Variants in GTF3C3 observed in about 807,000 individuals in gnomAD.
GTF3C3 encodes the protein general transcription factor 3C polypeptide 3.
In GTF3C3, 75 loss-of-function variants were observed where a neutral mutation model predicts 105.2. The observed-to-expected ratio is 0.71, with a 90% CI of 0.59 to 0.86. GTF3C3 has a LOEUF of 0.86. Among genes scored for constraint, GTF3C3 ranks in the 40% least tolerant of loss-of-function variants. GTF3C3 has a pLI of 0.00. For missense variants in GTF3C3, 856 were observed against 1,076.5 expected (o/e 0.80, Z 2.87); for synonymous variants, 335 against 370.4 (o/e 0.90, Z 1.10).
chr2:196,771,308 G>A (rs1456531056), intron 15 of GTF3C3, among the ~76,000 whole-genome samples: 1 of 152,052 alleles, frequency 6.6e-6, no homozygotes, highest in African/African-American at 2.4e-5. Context: ...TGAATGTTTT[G>A]CATTATGGCA....
intron 6 of GTF3C3, among the ~76,000 whole-genome samples, chr2:196,787,534 A>G (rs932318680): frequency 2.0e-5 from 3 of 152,102 alleles, no homozygotes; most frequent in African/African-American, 7.2e-5. Context: ...TCTTCCCTGA[A>G]TATCTGTTCT....
At chr2:196,781,688 T>C (rs780972521) in intron 8 of GTF3C3, among the ~76,000 whole-genome samples, 4 of 151,896 alleles carry the variant, frequency 2.6e-5, no homozygotes, top group Non-Finnish European at 4.4e-5. Flanking sequence ...ATAGGAGGAT[T>C]CGGACAAGTT....
chr2:196,788,813 C>T (rs1340253223), intron 6 of GTF3C3, among the ~76,000 whole-genome samples: 1 of 152,068 alleles, frequency 6.6e-6, no homozygotes, highest in Non-Finnish European at 1.5e-5. Context: ...ATGTGTAATC[C>T]TAGCATTTTG....
chr2:196,784,703 G>A (rs1699423260), intron 8 of GTF3C3, 154 bp downstream of exon 8: 1 of 685,018 alleles, frequency 1.5e-6, no homozygotes, highest in Non-Finnish European at 1.8e-6. Flanking sequence ...CACAAGATAT[G>A]AAATCTCTGA....
At chr2:196,773,933 C>A (rs1699219808) in intron 13 of GTF3C3, among the ~76,000 whole-genome samples, 1 of 152,212 alleles carries the variant, frequency 6.6e-6, no homozygotes, top group Non-Finnish European at 1.5e-5. Context: ...GCGGCCCAGT[C>A]CCTAGCAGGC....
chr2:196,784,321 G>C (rs1434837966), intron 8 of GTF3C3, among the ~76,000 whole-genome samples: 1 of 152,124 alleles, frequency 6.6e-6, no homozygotes, highest in Non-Finnish European at 1.5e-5. Context: ...GTAGGGTCTT[G>C]AATGTTAATA....
chr2:196,791,253 A>G, intron 4 of GTF3C3, 84 bp downstream of exon 4: 1 of 1,322,770 alleles, frequency 7.6e-7, no homozygotes, highest in Non-Finnish European at 1.1e-6. Flanking sequence ...CATATTTTCC[A>G]AATAGTACTG....
chr2:196,787,095 C>T (rs1383636029), intron 6 of GTF3C3, among the ~76,000 whole-genome samples: 3 of 152,098 alleles, frequency 2.0e-5, no homozygotes, highest in Non-Finnish European at 4.4e-5. Flanking sequence ...CTGTCCACCT[C>T]CCCAACCCAC....
intron 15 of GTF3C3, 40 bp from the exon 16 acceptor site, chr2:196,770,079 CAG>C (rs766347201): frequency 9.2e-5 from 134 of 1,450,062 alleles, no homozygotes; most frequent in Non-Finnish European, 1.1e-4. Flanking sequence ...GTGACAAGAA[CAG>C]AGTTATTTAT....
chr2:196,764,505 C>G lies in GTF3C3; in HGVS notation c.*58G>C, dbSNP rs1327126666. The G allele has an allele frequency of 6.7e-7, 1 of 1,498,482 alleles. No homozygotes were observed. The highest frequency in any genetic ancestry group is 1.4e-5 in the African/African-American group (1 of 72,362). The allele number at this position is 1,498,482 out of a possible 1,614,324, so 92.8% of individuals were successfully genotyped here. On this transcript the variant is annotated 3_prime_UTR_variant, in exon 18 of 18. Transcript: ENST00000263956. Reference sequence around the variant, plus strand: ...GAGTTACAAATAATAAGCCCTGAGACAGAAGACACTGGTCCTCACACAGCA... The same window carrying G: ...GAGTTACAAATAATAAGCCCTGAGAGAGAAGACACTGGTCCTCACACAGCA...
intron 2 of GTF3C3, among the ~76,000 whole-genome samples, chr2:196,795,181 G>A (rs532032496): frequency 1.2e-4 from 18 of 152,066 alleles, no homozygotes; most frequent in Admixed American, 4.6e-4. Context: ...GGGACTACAG[G>A]CTTGTGCCAA....
intron 6 of GTF3C3, among the ~76,000 whole-genome samples, chr2:196,788,048 G>C (rs1221676860): frequency 1.3e-5 from 2 of 152,184 alleles, no homozygotes; most frequent in East Asian, 3.8e-4. Context: ...AAAGTCAAAG[G>C]CTACTGGACT....
chr2:196,784,973 A>T (rs1197897641), intron 7 of GTF3C3, 44 bp from the exon 8 acceptor site: 1 of 1,267,710 alleles, frequency 7.9e-7, no homozygotes, highest in East Asian at 2.3e-5. Flanking sequence ...TATGTGTGAA[A>T]AACCATTTCA....
At chr2:196,766,373 A>G (rs1476303832) in intron 17 of GTF3C3, among the ~76,000 whole-genome samples, 192 bp downstream of exon 17, 1 of 152,190 alleles carries the variant, frequency 6.6e-6, no homozygotes, top group Non-Finnish European at 1.5e-5. Context: ...ATATGTTCAT[A>G]TGGTTGCTGG....
chr2:196,766,522 G>C, intron 17 of GTF3C3, 43 bp downstream of exon 17: 1 of 1,506,520 alleles, frequency 6.6e-7, no homozygotes, highest in South Asian at 1.2e-5. Flanking sequence ...CTTATCTACA[G>C]ACAGATGAAA....
chr2:196,764,580 T>C lies in GTF3C3; in HGVS notation c.2644A>G (p.Thr882Ala), dbSNP rs138117722. The change falls in exon 18 of 18, where the codon ACC (threonine) becomes GCC (alanine). Residue 882 changes from threonine to alanine, a missense_variant. Physicochemically the swap from Thr to Ala is moderately conservative, Grantham distance 58. Around this residue, in one of 3 missense-constraint regions of GTF3C3, gnomAD observed 134 missense variants for 128.9 expected, o/e 1.04. Coordinates refer to ENST00000263956, the MANE Select transcript of GTF3C3 (RefSeq NM_012086.5). ...NTGMAQTLLY[T>A]YCSI ...GCGGTGCTTTATATAGAACAATAGG[T>C]ATACAAAAGCGTTTGAGCCATTCCG... The C allele has an allele frequency of 5.2e-4, 839 of 1,613,960 alleles. 1 individual carries two copies. Among genetic ancestry groups the C allele is most frequent in the Non-Finnish European group, 6.8e-4 (797 of 1,179,866 alleles).
At chr2:196,796,029 C>T (rs921994690) in intron 2 of GTF3C3, among the ~76,000 whole-genome samples, 12 of 152,102 alleles carry the variant, frequency 7.9e-5, no homozygotes, top group African/African-American at 2.9e-4. Context: ...TGTGTAAGAA[C>T]GGTGTGAACA....
At chr2:196,777,291 TA>T (rs1385226151) in intron 10 of GTF3C3, among the ~76,000 whole-genome samples, 1 of 152,146 alleles carries the variant, frequency 6.6e-6, no homozygotes, top group East Asian at 1.9e-4. Flanking sequence ...TCATTTTTGT[TA>T]CCTGCCAGGC....
chr2:196,781,440 T>C (rs1699361482), intron 8 of GTF3C3, among the ~76,000 whole-genome samples: 1 of 143,838 alleles, frequency 7.0e-6, no homozygotes, highest in African/African-American at 2.5e-5. Flanking sequence ...GCTATTTACA[T>C]AGCATTTACA....
Sources: gnomAD v4.1 joint callset for allele counts (sites outside exome capture counted in the v4.1 genomes callset) on GRCh38, gnomAD v4.1.1 for gene constraint, gnomAD v4.1.1 regional missense constraint, MANE v1.5 for transcripts, NCBI Gene and HGNC (gene_info 2026-07-23, HGNC 2026-07-21) for gene names.